The following AGBL1 variants were observed in gnomAD, a reference collection of about 807,000 sequenced individuals.
AGBL1 encodes cytosolic carboxypeptidase 4.
In AGBL1, 130 loss-of-function variants were observed where a neutral mutation model predicts 118.9. That is an observed-to-expected ratio of 1.09 (90% CI 0.95 to 1.26). The LOEUF is 1.26. AGBL1 is among the 50% of genes most tolerant of loss of function. The probability of loss-of-function intolerance (pLI) is 0.00; values close to 1 mark genes in which losing one functional copy is unlikely to be tolerated. For missense variants in AGBL1, 1,584 were observed against 1,298.1 expected (o/e 1.22, Z -3.38); for synonymous variants, 555 against 478.9 (o/e 1.16, Z -2.08).
At chr15:86,617,811 G>C (rs1567085731) in intron 21 of AGBL1, among the ~76,000 whole-genome samples, 1 of 151,866 alleles carries the variant, frequency 6.6e-6, no homozygotes, top group Non-Finnish European at 1.5e-5. Context: ...CAGAGCGAGA[G>C]AGAAAGAGAT....
At chr15:86,299,075 TC>T (rs1384133761) in intron 17 of AGBL1, among the ~76,000 whole-genome samples, 15 of 152,132 alleles carry the variant, frequency 9.9e-5, no homozygotes, top group African/African-American at 3.6e-4. Flanking sequence ...TTCAGTTGAG[TC>T]GTCACCAGAT....
chr15:86,284,275 AT>A (rs34159204), intron 16 of AGBL1, among the ~76,000 whole-genome samples: 1 of 134,496 alleles, frequency 7.4e-6, no homozygotes, highest in East Asian at 2.0e-4. Flanking sequence ...GATTATGATT[AT>A]TTTTTTCTTA....
intron 22 of AGBL1, among the ~76,000 whole-genome samples, chr15:86,828,350 T>C (rs554139062): frequency 6.6e-6 from 1 of 152,088 alleles, no homozygotes; most frequent in Non-Finnish European, 1.5e-5. Flanking sequence ...TAAATTTTAA[T>C]GTACATGGAA....
At chr15:86,207,249 C>T (rs2078009713) in intron 5 of AGBL1, among the ~76,000 whole-genome samples, 1 of 152,154 alleles carries the variant, frequency 6.6e-6, no homozygotes. Context: ...AGCATGATGC[C>T]TCCAGCTTTG....
rs577761634 is a variant in AGBL1, at chr15:86,236,538, C to G, written c.527-11133C>G. Among the ~76,000 whole-genome samples, 12 of 152,132 alleles carry G rather than the reference C, an allele frequency of 7.9e-5. No homozygotes were observed. The East Asian group carries it at 2.3e-3, about 29-fold the overall frequency. On this transcript the variant is annotated intron_variant, in intron 6 of 22. Transcript: ENST00000614907. ...AGTTGAGTTAAAAGGAGAATGCACA[C>G]GGCTCAAGGTTCTGTGATTGCATAG... is the stretch of plus-strand genomic sequence containing the variant.
chr15:86,625,086 G>A (rs2084863425), intron 21 of AGBL1, among the ~76,000 whole-genome samples: 1 of 152,104 alleles, frequency 6.6e-6, no homozygotes, highest in Non-Finnish European at 1.5e-5. Flanking sequence ...CATTCGACCA[G>A]GTTTGTTCCT....
chr15:86,494,467 T>A (rs1211958236), intron 18 of AGBL1, among the ~76,000 whole-genome samples: 1 of 152,012 alleles, frequency 6.6e-6, no homozygotes, highest in African/African-American at 2.4e-5. Context: ...CACTGGCTCT[T>A]CCCATGCTGG....
At chr15:86,584,167 G>C (rs1358137384) in intron 21 of AGBL1, among the ~76,000 whole-genome samples, 2 of 152,042 alleles carry the variant, frequency 1.3e-5, no homozygotes, top group East Asian at 3.9e-4. Context: ...TTCTTTTGCT[G>C]TGCAGAAGCT....
chr15:86,151,961 G>A (rs2077118039), intron 3 of AGBL1, among the ~76,000 whole-genome samples: 1 of 152,096 alleles, frequency 6.6e-6, no homozygotes, highest in Non-Finnish European at 1.5e-5. Context: ...CAACTTACAA[G>A]GGATGTGAAG....
chr15:86,604,164 A>G (rs2142376181), intron 21 of AGBL1, among the ~76,000 whole-genome samples: 1 of 152,188 alleles, frequency 6.6e-6, no homozygotes, highest in South Asian at 2.1e-4. Flanking sequence ...TGTTTTTCTT[A>G]GGGGAGCAAC....
chr15:86,120,983 G>A (rs940939390), intron 1 of AGBL1, among the ~76,000 whole-genome samples: 2 of 151,596 alleles, frequency 1.3e-5, no homozygotes, highest in East Asian at 1.9e-4. Context: ...TGCAACCTCT[G>A]CCTCCTAGGT....
At position 86,554,350 on chromosome 15, in the gene AGBL1, T is replaced by G; in HGVS notation, c.2818-11T>G. 6.4e-7 allele frequency: 1 copy of G among 1,554,030 alleles called. No homozygotes were observed. The highest frequency in any genetic ancestry group is 8.7e-7 in the Non-Finnish European group (1 of 1,150,698). Reference sequence around the variant, plus strand: ...CAACTAATCATCGTTTGATTTTTGTTTTTACTGTAGACTCTTCCCAAAATC... The same window carrying G: ...CAACTAATCATCGTTTGATTTTTGTGTTTACTGTAGACTCTTCCCAAAATC... On this transcript the variant is annotated splice_polypyrimidine_tract_variant and intron_variant, in intron 20 of 22. Coordinates refer to ENST00000614907, the MANE Select transcript of AGBL1 (RefSeq NM_001386094.1).
chr15:86,757,677 C>G (rs944426014), intron 22 of AGBL1, among the ~76,000 whole-genome samples: 2 of 152,068 alleles, frequency 1.3e-5, no homozygotes, highest in Non-Finnish European at 2.9e-5. Flanking sequence ...GTCATTTTCT[C>G]CATTCCGGAA....
At position 86,888,190 on chromosome 15, in the gene AGBL1, T is replaced by G. The variant is rs139057928; in HGVS notation, c.3159-18897T>G. The stretch of plus-strand genomic sequence containing the variant: ...CTACATGGACCAAGACCAGTCCTGT[T>G]GCCTTAGTCTGAGGCAACCTCAGCA... On this transcript the variant is annotated intron_variant, in intron 22 of 22. Coordinates refer to ENST00000614907, the MANE Select transcript of AGBL1 (RefSeq NM_001386094.1). Among the ~76,000 whole-genome samples, 1,293 of 152,092 alleles carry G rather than the reference T, an allele frequency of 8.5e-3. 16 individuals are homozygous for G. The highest frequency in any genetic ancestry group is 0.03 in the African/African-American group (1,247 of 41,484).
intron 17 of AGBL1, among the ~76,000 whole-genome samples, chr15:86,352,331 C>T (rs1028719697): frequency 6.6e-6 from 1 of 152,124 alleles, no homozygotes; most frequent in African/African-American, 2.4e-5. Context: ...TTTTATTGAC[C>T]TCTTGGAATC....
intron 23 of AGBL1, among the ~76,000 whole-genome samples, chr15:86,986,666 T>C (rs564981771): frequency 3.9e-5 from 6 of 152,310 alleles, no homozygotes; most frequent in Non-Finnish European, 7.4e-5. Context: ...CTTACTAATA[T>C]TGAATGATCA....
intron 22 of AGBL1, among the ~76,000 whole-genome samples, chr15:86,729,603 T>C (rs1322317660): frequency 6.6e-6 from 1 of 152,238 alleles, no homozygotes; most frequent in Non-Finnish European, 1.5e-5. Context: ...GCAGTGGACA[T>C]GACTTTGTTC....
chr15:86,551,331 A>G (rs1444025771), intron 20 of AGBL1, among the ~76,000 whole-genome samples: 1 of 152,148 alleles, frequency 6.6e-6, no homozygotes, highest in Non-Finnish European at 1.5e-5. Flanking sequence ...GGTCAACAAA[A>G]TGATCATTAT....
intron 22 of AGBL1, among the ~76,000 whole-genome samples, chr15:86,761,324 T>A (rs62031433): frequency 0.094 from 14,358 of 152,110 alleles, 755 homozygotes; most frequent in Admixed American, 0.13. Context: ...CACTCCAAAG[T>A]AAGGATTTAA....
Sources: allele counts gnomAD v4.1 joint callset (sites outside exome capture counted in the v4.1 genomes callset), GRCh38; gene constraint gnomAD v4.1.1; transcripts MANE v1.5; gene names NCBI Gene and HGNC (gene_info 2026-07-23, HGNC 2026-07-21).